The following RBFOX1 variants were observed in gnomAD, a reference collection of about 807,000 sequenced individuals.
RBFOX1 encodes RNA binding fox-1 homolog 1, also known as RNA binding protein fox-1 homolog 1.
RBFOX1 carries 8 observed loss-of-function variants against 57.7 expected under a neutral mutation model. That is an observed-to-expected ratio of 0.14 (90% CI 0.08 to 0.25). The LOEUF (loss-of-function observed/expected upper bound fraction) is 0.25. RBFOX1 is among the 10% of genes least tolerant of loss of function. The probability of loss-of-function intolerance (pLI) is 1.00; values close to 1 mark genes in which losing one functional copy is unlikely to be tolerated. For synonymous variants in RBFOX1, 326 were observed against 222.4 expected, an observed-to-expected ratio of 1.47 and a Z score of -4.15; for missense variants, 611 against 548.5, an observed-to-expected ratio of 1.11 and a Z score of -1.14.
At chr16:7,175,770 C>G (rs757194959) in intron 4 of RBFOX1, among the ~76,000 whole-genome samples, 1 of 152,154 alleles carries the variant, frequency 6.6e-6, no homozygotes, top group Non-Finnish European at 1.5e-5. Flanking sequence ...ATGTCTTCCT[C>G]TCTCCTTCTC....
Position 6,552,476 on chromosome 16 carries a change from A to G in RBFOX1, c.-63-102127A>G, listed in dbSNP as rs542305366. 1.8e-4 allele frequency among the ~76,000 whole-genome samples: 27 copies of G among 152,280 alleles called. No homozygotes were observed. The East Asian group carries it at 5.0e-3, about 28-fold the overall frequency. ...GTGTTTGTAGTGAAGATTGAAGGAGATACTACCTGCAAAGTATTCAGATGT... is the reference window on the plus strand; with the variant it reads ...GTGTTTGTAGTGAAGATTGAAGGAGGTACTACCTGCAAAGTATTCAGATGT... On this transcript the variant is annotated intron_variant, in intron 2 of 15. Coordinates refer to ENST00000550418, the MANE Select transcript of RBFOX1 (RefSeq NM_018723.4).
At chr16:6,905,334 C>T (rs758613135) in intron 3 of RBFOX1, among the ~76,000 whole-genome samples, 2 of 151,836 alleles carry the variant, frequency 1.3e-5, no homozygotes. Context: ...CAGGTGGATC[C>T]CCTGAGGTTG....
intron 1 of RBFOX1, among the ~76,000 whole-genome samples, chr16:5,265,461 A>G (rs1194350463): frequency 1.3e-5 from 2 of 152,174 alleles, no homozygotes; most frequent in Non-Finnish European, 2.9e-5. Flanking sequence ...CAAATTAAAC[A>G]CCTTAATCAT....
intron 3 of RBFOX1, among the ~76,000 whole-genome samples, chr16:6,815,142 C>G (rs1002026947): frequency 6.6e-6 from 1 of 152,104 alleles, no homozygotes; most frequent in Non-Finnish European, 1.5e-5. Flanking sequence ...GTTGCTACAG[C>G]ATTTGTAAAC....
intron 4 of RBFOX1, among the ~76,000 whole-genome samples, chr16:5,965,249 T>C (rs1284409997): frequency 6.6e-6 from 1 of 152,304 alleles, no homozygotes. Flanking sequence ...CTATAGTTAA[T>C]AATAATGTGG....
intron 4 of RBFOX1, among the ~76,000 whole-genome samples, chr16:7,419,502 G>C (rs753741373): frequency 6.6e-6 from 1 of 152,196 alleles, no homozygotes; most frequent in African/African-American, 2.4e-5. Context: ...GGCCCACCAC[G>C]GCTTTTGTTT....
intron 1 of RBFOX1, among the ~76,000 whole-genome samples, chr16:5,296,177 G>T (rs1349532851): frequency 6.6e-6 from 1 of 152,114 alleles, no homozygotes; most frequent in East Asian, 1.9e-4. Context: ...AATCTGACTT[G>T]TCTGAAGCAT....
chr16:6,161,720 C>G (rs1283235868), intron 1 of RBFOX1, among the ~76,000 whole-genome samples: 1 of 152,196 alleles, frequency 6.6e-6, no homozygotes, highest in Non-Finnish European at 1.5e-5. Context: ...GTCATCTACA[C>G]ACACCTGGCT....
chr16:6,266,333 T>C (rs989663861), intron 1 of RBFOX1, among the ~76,000 whole-genome samples: 1 of 152,208 alleles, frequency 6.6e-6, no homozygotes, highest in Non-Finnish European at 1.5e-5. Context: ...CCATCCTGAA[T>C]GATATTCCGT....
rs150167197 is a variant in RBFOX1, at chr16:6,875,973, G to C, written c.-15-176084G>C. 6.9e-3 allele frequency among the ~76,000 whole-genome samples: 1,044 copies of C among 152,116 alleles called. 10 individuals are homozygous for C. The highest frequency in any genetic ancestry group is 0.024 in the African/African-American group (983 of 41,508). ...CAATTATGTCACTGCACTTCAGCCT[G>C]GGCAACACAGTGGAACTTGTCTCAA... On this transcript the variant is annotated intron_variant, in intron 3 of 15. Transcript: ENST00000550418.
At chr16:7,207,477 C>T (rs902395767) in intron 4 of RBFOX1, among the ~76,000 whole-genome samples, 1 of 152,112 alleles carries the variant, frequency 6.6e-6, no homozygotes, top group African/African-American at 2.4e-5. Context: ...CAGTGCAACC[C>T]CCGGACTGGC....
intron 4 of RBFOX1, among the ~76,000 whole-genome samples, chr16:7,075,224 G>T (rs74008711): frequency 2.0e-5 from 3 of 152,130 alleles, no homozygotes; most frequent in African/African-American, 7.2e-5. Flanking sequence ...CCACTTCTGG[G>T]TACCAACAGT....
chr16:7,028,607 CACAAAAAAAAAAAA>C (rs2041737572), intron 3 of RBFOX1, among the ~76,000 whole-genome samples: 1 of 47,900 alleles, frequency 2.1e-5, no homozygotes, highest in South Asian at 1.2e-3. Context: ...CACACACACA[CACAAAAAAAAAAAA>C]AAAAAAAAAA....
In RBFOX1 at chr16:6,982,446, C is replaced by G. The variant is rs12102453; in HGVS notation, c.-15-69611C>G. ...TCAGTCATGTCTACTTAAGTCCTTT[C>G]ATTGCAGCGAGCTCCTTCTCATTCG... On this transcript the variant is annotated intron_variant, in intron 3 of 15. Transcript: ENST00000550418. Among the ~76,000 whole-genome samples the G allele has an allele frequency of 3.8e-3, 580 of 152,244 alleles. 8 individuals carry two copies. The highest frequency in any genetic ancestry group is 0.013 in the African/African-American group (555 of 41,546).
chr16:6,002,238 A>G (rs528194638), intron 4 of RBFOX1, among the ~76,000 whole-genome samples: 84 of 152,172 alleles, frequency 5.5e-4, no homozygotes, highest in Non-Finnish European at 9.7e-4. Context: ...CAGCCTGCCA[A>G]AGTTCTCATT....
intron 4 of RBFOX1, among the ~76,000 whole-genome samples, chr16:5,996,557 G>C (rs2060494152): frequency 6.6e-6 from 1 of 152,038 alleles, no homozygotes; most frequent in African/African-American, 2.4e-5. Context: ...ACTTGTAAGT[G>C]AGGGGGCTAT....
chr16:6,561,299 C>T (rs1025118780), intron 2 of RBFOX1, among the ~76,000 whole-genome samples: 9 of 152,164 alleles, frequency 5.9e-5, no homozygotes, highest in African/African-American at 2.2e-4. Flanking sequence ...GTAAATGTTC[C>T]ATGGTTTCAG....
In RBFOX1 at chr16:7,607,895, C is replaced by G. The variant is rs149145184; in HGVS notation, c.676+557C>G. ...CTACTTTGCCTTCCAGAATATGTCTCTCTCCTCACCCCTTCCCTGCCTAAG... is the reference window on the plus strand; with the variant it reads ...CTACTTTGCCTTCCAGAATATGTCTGTCTCCTCACCCCTTCCCTGCCTAAG... On this transcript the variant is annotated intron_variant, in intron 10 of 15. Coordinates refer to ENST00000550418, the MANE Select transcript of RBFOX1 (RefSeq NM_018723.4). 3.0e-3 allele frequency among the ~76,000 whole-genome samples: 458 copies of G among 152,274 alleles called. 3 individuals are homozygous for G. The highest frequency in any genetic ancestry group is 0.01 in the African/African-American group (430 of 41,560).
chr16:6,260,688 G>A (rs1260282708), intron 1 of RBFOX1, among the ~76,000 whole-genome samples: 1 of 152,146 alleles, frequency 6.6e-6, no homozygotes, highest in Non-Finnish European at 1.5e-5. Flanking sequence ...GGCCAGCCTG[G>A]CCAACATGGT....
Sources: gnomAD v4.1 joint callset for allele counts (sites outside exome capture counted in the v4.1 genomes callset) on GRCh38, gnomAD v4.1.1 for gene constraint, MANE v1.5 for transcripts, NCBI Gene and HGNC (gene_info 2026-07-23, HGNC 2026-07-21) for gene names.